Variants in COG5 observed in about 807,000 individuals in gnomAD.
COG5 encodes component of oligomeric golgi complex 5, also known as conserved oligomeric Golgi complex subunit 5.
A neutral mutation model predicts 110.4 loss-of-function variants in COG5; 86 were observed. The observed-to-expected ratio is 0.78, with a 90% CI of 0.65 to 0.93. COG5 has a LOEUF of 0.93. Among genes scored for constraint, COG5 ranks in the 40% least tolerant of loss-of-function variants. The pLI, the probability that COG5 is intolerant of heterozygous loss-of-function variation, is 0.00. For synonymous variants in COG5, 360 were observed against 334.6 expected, an observed-to-expected ratio of 1.08 and a Z score of -0.83; for missense variants, 1,077 against 987.0, an observed-to-expected ratio of 1.09 and a Z score of -1.22.
chr7:107,485,548 T>C (rs1797609700), intron 6 of COG5, among the ~76,000 whole-genome samples: 1 of 152,202 alleles, frequency 6.6e-6, no homozygotes, highest in South Asian at 2.1e-4. Context: ...TCTAAAAACT[T>C]AGTGAATAAC....
intron 7 of COG5, among the ~76,000 whole-genome samples, chr7:107,398,808 T>C (rs903118987): frequency 4.0e-5 from 6 of 151,662 alleles, no homozygotes; most frequent in African/African-American, 1.5e-4. Flanking sequence ...GGTTTGGGGG[T>C]AGGAGGAGGA....
At chr7:107,402,832 C>T (rs1042231036) in intron 7 of COG5, among the ~76,000 whole-genome samples, 6 of 152,160 alleles carry the variant, frequency 3.9e-5, no homozygotes, top group Non-Finnish European at 8.8e-5. Flanking sequence ...CATCACCAGT[C>T]CTTCCAAATT....
At chr7:107,230,294 T>A (rs1800684065) in intron 19 of COG5, among the ~76,000 whole-genome samples, 1 of 152,140 alleles carries the variant, frequency 6.6e-6, no homozygotes, top group African/African-American at 2.4e-5. Context: ...TCTATATAAT[T>A]ATGAATTGCC....
intron 10 of COG5, among the ~76,000 whole-genome samples, chr7:107,333,659 T>C (rs1810456848): frequency 6.6e-6 from 1 of 152,126 alleles, no homozygotes; most frequent in African/African-American, 2.4e-5. Flanking sequence ...ACAAAGACTT[T>C]TTACAAAATA....
chr7:107,270,203 A>G (rs921206752), intron 14 of COG5, among the ~76,000 whole-genome samples: 4 of 152,082 alleles, frequency 2.6e-5, no homozygotes, highest in Non-Finnish European at 5.9e-5. Flanking sequence ...GAAAGGCATA[A>G]AATTTTTCAA....
chr7:107,435,486 C>G lies in COG5; in HGVS notation c.539-22854G>C, dbSNP rs910955373. 3.9e-5 allele frequency among the ~76,000 whole-genome samples: 6 copies of G among 152,038 alleles called. No homozygotes were observed. The South Asian group carries it at 1.2e-3, about 32-fold the overall frequency. On this transcript the variant is annotated intron_variant, in intron 6 of 21. Coordinates refer to ENST00000297135, the MANE Select transcript of COG5 (RefSeq NM_006348.5). ...TGACCAACATGGTGAAACCTCGTTT[C>G]TACTAAAAATACAAAAATTAGCTGG...
At chr7:107,520,917 A>G (rs757428022) in intron 6 of COG5, among the ~76,000 whole-genome samples, 6 of 152,220 alleles carry the variant, frequency 3.9e-5, no homozygotes, top group Non-Finnish European at 7.3e-5. Flanking sequence ...ACAGTAACCA[A>G]AACAGCATGG....
intron 2 of COG5, among the ~76,000 whole-genome samples, chr7:107,557,599 A>C (rs947254986): frequency 4.6e-5 from 7 of 152,236 alleles, no homozygotes; most frequent in Non-Finnish European, 8.8e-5. Context: ...CAAATGCTAC[A>C]CTTTGTGCTA....
chr7:107,223,201 A>G (rs1800073090), intron 19 of COG5, among the ~76,000 whole-genome samples: 1 of 152,158 alleles, frequency 6.6e-6, no homozygotes, highest in South Asian at 2.1e-4. Flanking sequence ...GGGAGAAGGA[A>G]CATGATTCCC....
intron 6 of COG5, among the ~76,000 whole-genome samples, chr7:107,458,616 A>T (rs1795804445): frequency 1.3e-5 from 2 of 152,222 alleles, no homozygotes; most frequent in Admixed American, 1.3e-4. Context: ...ACACATTGGG[A>T]GGCCAACACA....
intron 19 of COG5, among the ~76,000 whole-genome samples, chr7:107,229,354 C>G (rs1222859655): frequency 6.6e-6 from 1 of 152,126 alleles, no homozygotes; most frequent in Non-Finnish European, 1.5e-5. Flanking sequence ...GAGGCAGAGA[C>G]AGGAGAATCG....
chr7:107,494,176 T>C (rs1010284423), intron 6 of COG5, among the ~76,000 whole-genome samples: 7 of 152,190 alleles, frequency 4.6e-5, no homozygotes, highest in African/African-American at 7.2e-5. Context: ...CCTACACAGA[T>C]TGTTATCAAA....
chr7:107,271,719 T>C (rs1484579237), intron 14 of COG5, among the ~76,000 whole-genome samples: 3 of 152,174 alleles, frequency 2.0e-5, no homozygotes, highest in Non-Finnish European at 4.4e-5. Context: ...CATTGGTTTT[T>C]TGTGTTTAAT....
At chr7:107,330,685 G>C (rs184567292) in intron 10 of COG5, among the ~76,000 whole-genome samples, 2 of 152,208 alleles carry the variant, frequency 1.3e-5, no homozygotes, top group Admixed American at 1.3e-4. Flanking sequence ...TTAAATCCAA[G>C]GTCTACCACT....
At chr7:107,407,096 T>A (rs1791904911) in intron 7 of COG5, among the ~76,000 whole-genome samples, 1 of 152,278 alleles carries the variant, frequency 6.6e-6, no homozygotes, top group East Asian at 1.9e-4. Flanking sequence ...AAAAGAAACA[T>A]TAGGGCCAGG....
At chr7:107,498,720 T>A (rs1798435355) in intron 6 of COG5, among the ~76,000 whole-genome samples, 1 of 152,148 alleles carries the variant, frequency 6.6e-6, no homozygotes, top group East Asian at 1.9e-4. Context: ...ACAACCCCTA[T>A]AGAAAATAGT....
At chr7:107,471,921 T>C (rs1323089479) in intron 6 of COG5, 1 of 151,980 alleles carries the variant, frequency 6.6e-6, no homozygotes, top group Middle Eastern at 3.2e-3. Context: ...ATTTATAATA[T>C]AAAGCAAGTT....
At chr7:107,541,953 T>C (rs903848810) in intron 5 of COG5, among the ~76,000 whole-genome samples, 7 of 148,202 alleles carry the variant, frequency 4.7e-5, no homozygotes, top group Non-Finnish European at 1.0e-4. Context: ...AAAAAAAAAC[T>C]ATAAAAACAC....
intron 10 of COG5, among the ~76,000 whole-genome samples, chr7:107,351,704 G>A (rs1812156722): frequency 6.6e-6 from 1 of 152,000 alleles, no homozygotes; most frequent in Non-Finnish European, 1.5e-5. Flanking sequence ...AAAGACACAT[G>A]AAAAAATGCT....
Sources: allele counts gnomAD v4.1 joint callset (sites outside exome capture counted in the v4.1 genomes callset), GRCh38; gene constraint gnomAD v4.1.1; transcripts MANE v1.5; gene names NCBI Gene and HGNC (gene_info 2026-07-23, HGNC 2026-07-21).